Variants in HCN1 observed in about 807,000 individuals in gnomAD.
HCN1 encodes the protein potassium/sodium hyperpolarization-activated cyclic nucleotide-gated channel 1.
In HCN1, 13 loss-of-function variants were observed where a neutral mutation model predicts 78.9. The observed-to-expected ratio is 0.16, with a 90% confidence interval of 0.11 to 0.26. The LOEUF (loss-of-function observed/expected upper bound fraction) is 0.26, where lower values mean the gene tolerates loss of function less well. Among genes scored for constraint, HCN1 ranks in the 10% least tolerant of loss-of-function variants. The probability of loss-of-function intolerance (pLI) is 1.00; values close to 1 mark genes in which losing one functional copy is unlikely to be tolerated. For synonymous variants in HCN1, 552 were observed against 455.5 expected, an observed-to-expected ratio of 1.21 and a Z score of -2.70; for missense variants, 810 against 1,154.3, an observed-to-expected ratio of 0.70 and a Z score of 4.32.
At chr5:45,438,705 C>T (rs1417199505) in intron 3 of HCN1, among the ~76,000 whole-genome samples, 2 of 152,026 alleles carry the variant, frequency 1.3e-5, no homozygotes, top group Non-Finnish European at 2.9e-5. Flanking sequence ...ATTAACTACT[C>T]AGAACTCCAG....
intron 2 of HCN1, among the ~76,000 whole-genome samples, chr5:45,618,460 T>C (rs575262523): frequency 6.6e-6 from 1 of 152,076 alleles, no homozygotes; most frequent in Non-Finnish European, 1.5e-5. Flanking sequence ...CTGTAAACAA[T>C]GGGAAGTCAT....
chr5:45,350,140 A>T (rs1462728314), intron 5 of HCN1, among the ~76,000 whole-genome samples: 1 of 152,172 alleles, frequency 6.6e-6, no homozygotes, highest in South Asian at 2.1e-4. Context: ...ATACTGGCAA[A>T]CCGAATCCAG....
At chr5:45,548,687 G>A (rs1402312167) in intron 2 of HCN1, among the ~76,000 whole-genome samples, 2 of 152,098 alleles carry the variant, frequency 1.3e-5, no homozygotes, top group African/African-American at 4.8e-5. Flanking sequence ...ATTCAACTAG[G>A]AAAAGAGGAA....
intron 4 of HCN1, among the ~76,000 whole-genome samples, chr5:45,371,269 C>A (rs1747351189): frequency 6.6e-6 from 1 of 151,778 alleles, no homozygotes; most frequent in South Asian, 2.1e-4. Flanking sequence ...AGGAAATAAC[C>A]AAAATCAAAG....
chr5:45,304,776 G>A (rs1745694611), intron 5 of HCN1, among the ~76,000 whole-genome samples: 1 of 152,118 alleles, frequency 6.6e-6, no homozygotes, highest in Admixed American at 6.5e-5. Flanking sequence ...CAAGTGATGG[G>A]CTAGAGAGAG....
chr5:45,554,375 T>C (rs1743430145), intron 2 of HCN1, among the ~76,000 whole-genome samples: 1 of 151,782 alleles, frequency 6.6e-6, no homozygotes, highest in African/African-American at 2.4e-5. Context: ...TAAAATGTAA[T>C]CTATCAAGCT....
intron 6 of HCN1, among the ~76,000 whole-genome samples, chr5:45,289,008 C>A (rs1167513127): frequency 1.3e-5 from 2 of 152,100 alleles, no homozygotes; most frequent in East Asian, 3.9e-4. Flanking sequence ...TCCAAATGAA[C>A]CTATTCATGT....
intron 3 of HCN1, among the ~76,000 whole-genome samples, chr5:45,411,077 C>T (rs536967685): frequency 2.0e-5 from 3 of 152,162 alleles, no homozygotes; most frequent in South Asian, 4.1e-4. Context: ...AAGGTTAAAT[C>T]CCTAGAGAAT....
chr5:45,551,572 A>G (rs1743371206), intron 2 of HCN1, among the ~76,000 whole-genome samples: 2 of 152,008 alleles, frequency 1.3e-5, no homozygotes, highest in Admixed American at 1.3e-4. Flanking sequence ...TCAAAAAAGA[A>G]GGTAAAATAC....
intron 1 of HCN1, among the ~76,000 whole-genome samples, chr5:45,668,832 A>T (rs1365538815): frequency 6.6e-6 from 1 of 151,894 alleles, no homozygotes; most frequent in Non-Finnish European, 1.5e-5. Flanking sequence ...TTATAAAAAA[A>T]AAATTCTGCA....
At chr5:45,693,217 T>C (rs1342943972) in intron 1 of HCN1, among the ~76,000 whole-genome samples, 3 of 152,188 alleles carry the variant, frequency 2.0e-5, no homozygotes, top group Non-Finnish European at 4.4e-5. Flanking sequence ...CTTGACGTTA[T>C]AGATTTTAGA....
At chr5:45,454,941 G>T (rs2111608809) in intron 3 of HCN1, among the ~76,000 whole-genome samples, 2 of 152,148 alleles carry the variant, frequency 1.3e-5, no homozygotes, top group African/African-American at 4.8e-5. Flanking sequence ...TTATTGGGAT[G>T]ATTATAGTTT....
At chr5:45,451,000 A>G (rs1197351580) in intron 3 of HCN1, among the ~76,000 whole-genome samples, 4 of 152,102 alleles carry the variant, frequency 2.6e-5, no homozygotes, top group African/African-American at 9.7e-5. Flanking sequence ...TTCTTCTGTA[A>G]GATAATGTGT....
intron 2 of HCN1, among the ~76,000 whole-genome samples, chr5:45,536,201 G>A (rs1742966491): frequency 6.6e-6 from 1 of 151,894 alleles, no homozygotes; most frequent in Admixed American, 6.6e-5. Context: ...TATTATTTTT[G>A]GTGTTTACTG....
chr5:45,424,950 A>C (rs1451050170), intron 3 of HCN1, among the ~76,000 whole-genome samples: 1 of 152,202 alleles, frequency 6.6e-6, no homozygotes, highest in African/African-American at 2.4e-5. Flanking sequence ...AGATGTTTTC[A>C]ATCAAGGGGT....
Position 45,343,759 on chromosome 5 carries a change from G to A in HCN1, c.1377+9341C>T, listed in dbSNP as rs1746637341. Among the ~76,000 whole-genome samples, 3 of 151,938 alleles carry A rather than the reference G, an allele frequency of 2.0e-5. No homozygotes were observed. The South Asian group carries it at 6.2e-4, about 32-fold the overall frequency. On this transcript the variant is annotated intron_variant, in intron 5 of 7. Coordinates refer to ENST00000303230, the MANE Select transcript of HCN1 (RefSeq NM_021072.4). ...GAACTACAGTTTATAGAATTGAAAT[G>A]TGAGATAATATAAATAAAAGATAAT...
chr5:45,603,188 C>A (rs1744658844), intron 2 of HCN1, among the ~76,000 whole-genome samples: 1 of 152,000 alleles, frequency 6.6e-6, no homozygotes, highest in Non-Finnish European at 1.5e-5. Context: ...ATATCTGATG[C>A]AGTCTGAATC....
chr5:45,418,726 C>A (rs1434360816), intron 3 of HCN1, among the ~76,000 whole-genome samples: 1 of 151,978 alleles, frequency 6.6e-6, no homozygotes, highest in Non-Finnish European at 1.5e-5. Context: ...AAAATGGAAG[C>A]AAACAGTATG....
In HCN1 at chr5:45,303,850, C is replaced by T. The variant is rs1263517532; in HGVS notation, c.1378-11G>A. ...GAAGTTGACTATCTCCTAAAGATGT[C>T]AAGAGTAAACAAATATTAAGAGAGA... On this transcript the variant is annotated splice_polypyrimidine_tract_variant and intron_variant, in intron 5 of 7. Transcript: ENST00000303230. 1.2e-6 allele frequency: 2 copies of T among 1,608,648 alleles called. No individual in the cohort carries two copies. Among genetic ancestry groups the T allele is most frequent in the African/African-American group, 2.7e-5 (2 of 74,648 alleles).
Sources: allele counts gnomAD v4.1 joint callset (sites outside exome capture counted in the v4.1 genomes callset), GRCh38; gene constraint gnomAD v4.1.1; transcripts MANE v1.5; gene names NCBI Gene and HGNC (gene_info 2026-07-23, HGNC 2026-07-21).